The following RASGRF2 variants were observed in gnomAD, a reference collection of about 807,000 sequenced individuals.
The protein encoded by RASGRF2 is Ras protein specific guanine nucleotide releasing factor 2.
RASGRF2 carries 76 observed loss-of-function variants against 151.0 expected under a neutral mutation model. The observed-to-expected ratio is 0.50, with a 90% CI of 0.42 to 0.61. The LOEUF (loss-of-function observed/expected upper bound fraction) is 0.61. Ranked by LOEUF, RASGRF2 falls within the 20% of genes least tolerant of loss-of-function variation. The pLI is 0.00. For missense variants in RASGRF2, 1,148 were observed against 1,564.6 expected (o/e 0.73, Z 4.49); for synonymous variants, 504 against 566.5 (o/e 0.89, Z 1.57).
At chr5:80,988,778 C>A (rs746285313) in intron 1 of RASGRF2, among the ~76,000 whole-genome samples, 6 of 152,158 alleles carry the variant, frequency 3.9e-5, no homozygotes, top group African/African-American at 1.2e-4. Context: ...TGCTTAATAA[C>A]GTCTGGCACA....
intron 2 of RASGRF2, among the ~76,000 whole-genome samples, chr5:81,057,945 G>C (rs1751280971): frequency 6.6e-6 from 1 of 151,938 alleles, no homozygotes; most frequent in Non-Finnish European, 1.5e-5. Context: ...GCAGTGATCT[G>C]TGATTGTACC....
At position 81,080,156 on chromosome 5, in the gene RASGRF2, A is replaced by G; in HGVS notation, c.923A>G (p.Gln308Arg). 1 of 1,599,046 alleles carries G rather than the reference A, an allele frequency of 6.3e-7. No homozygotes were observed. The highest frequency in any genetic ancestry group is 8.5e-7 in the Non-Finnish European group (1 of 1,176,868). ...ATGTTTCTTCATGAAATATTTCATC[A>G]AGGACTAAAGGCAAGGATAGCAAAC... ...TIMFLHEIFH[Q>R]GLKARIANWP... The change falls in exon 6 of 27, where the codon CAA (glutamine) becomes CGA (arginine). Residue 308 changes from glutamine (Q) to arginine (R), a missense_variant. Gln to Arg is a conservative substitution (Grantham distance 43). Around this residue, in one of 5 missense-constraint regions of RASGRF2, gnomAD observed 176 missense variants for 309.6 expected, o/e 0.57. Coordinates refer to ENST00000265080, the MANE Select transcript of RASGRF2 (RefSeq NM_006909.3).
At chr5:81,201,270 T>C (rs1026000837) in intron 18 of RASGRF2, 60 bp from the exon 19 acceptor site, 9 of 1,544,776 alleles carry the variant, frequency 5.8e-6, no homozygotes, top group Non-Finnish European at 7.8e-6. Flanking sequence ...AATGGTGTCA[T>C]GTGTCATAGA....
intron 1 of RASGRF2, among the ~76,000 whole-genome samples, chr5:81,022,166 T>G (rs1006585715): frequency 1.3e-5 from 2 of 151,184 alleles, no homozygotes; most frequent in African/African-American, 4.9e-5. Flanking sequence ...TGCAGGAGAG[T>G]GGGTTGAAGT....
rs772813367 is a variant in RASGRF2, at chr5:81,226,560, G to C, written c.*790G>C. 2.1e-4 allele frequency: 32 copies of C among 152,096 alleles called. No homozygotes were observed. The highest frequency in any genetic ancestry group is 3.8e-4 in the Non-Finnish European group (26 of 68,014). 9.4% of individuals were successfully genotyped at this position (152,096 alleles called of 1,614,324 possible). A position where few individuals can be genotyped will look rare whatever the true frequency, so the allele number is the denominator to read the frequency against. On this transcript the variant is annotated 3_prime_UTR_variant, in exon 27 of 27. Transcript: ENST00000265080. Reference sequence around the variant, plus strand: ...GAGAGGCAGCTGCAAAAAGGTGCACGCCCATCTCACCGACAAAACTGTGGA... The same window carrying C: ...GAGAGGCAGCTGCAAAAAGGTGCACCCCCATCTCACCGACAAAACTGTGGA...
At chr5:81,097,208 G>T (rs186372853) in intron 12 of RASGRF2, among the ~76,000 whole-genome samples, 2 of 152,102 alleles carry the variant, frequency 1.3e-5, no homozygotes, top group Admixed American at 6.5e-5. Flanking sequence ...TGATCCTCCC[G>T]CCTCGGCCTC....
chr5:81,165,915 A>C (rs1160747679), intron 17 of RASGRF2, among the ~76,000 whole-genome samples: 1 of 148,702 alleles, frequency 6.7e-6, no homozygotes, highest in African/African-American at 2.5e-5. Flanking sequence ...CTGGTGCTTG[A>C]CTCTCTGGAG....
chr5:81,083,207 T>C (rs1752134103), intron 7 of RASGRF2, among the ~76,000 whole-genome samples: 1 of 152,144 alleles, frequency 6.6e-6, no homozygotes, highest in South Asian at 2.1e-4. Context: ...CAGTGGTACT[T>C]CTGCATGTTT....
At chr5:80,961,946 ACCT>A (rs1747573682) in intron 1 of RASGRF2, among the ~76,000 whole-genome samples, 1 of 152,094 alleles carries the variant, frequency 6.6e-6, no homozygotes, top group Non-Finnish European at 1.5e-5. Context: ...CTCAATCCCC[ACCT>A]TGATATGAAA....
At chr5:81,042,108 T>G (rs534851547) in intron 1 of RASGRF2, among the ~76,000 whole-genome samples, 15 of 152,306 alleles carry the variant, frequency 9.8e-5, no homozygotes, top group South Asian at 4.1e-4. Context: ...TTAGGTTGTT[T>G]CCAGTTTTTG....
intron 1 of RASGRF2, among the ~76,000 whole-genome samples, chr5:80,980,322 G>A (rs1036968936): frequency 1.3e-5 from 2 of 152,240 alleles, no homozygotes; most frequent in South Asian, 4.2e-4. Flanking sequence ...AAATGAGGGT[G>A]ATTTTGGCCC....
intron 9 of RASGRF2, 121 bp from the exon 10 acceptor site, chr5:81,092,680 G>A: frequency 1.2e-6 from 1 of 865,214 alleles, no homozygotes; most frequent in Non-Finnish European, 1.8e-6. Context: ...TTCTGATGAT[G>A]TGTCACATAA....
At chr5:81,131,930 A>G (rs1475233864) in intron 17 of RASGRF2, among the ~76,000 whole-genome samples, 1 of 152,126 alleles carries the variant, frequency 6.6e-6, no homozygotes, top group Non-Finnish European at 1.5e-5. Flanking sequence ...TTTCACTATT[A>G]CTTCTCTGTC....
In RASGRF2 at chr5:81,212,356, A is replaced by C; in HGVS notation, c.3157-10A>C. On this transcript the variant is annotated splice_polypyrimidine_tract_variant and intron_variant, in intron 22 of 26. Transcript: ENST00000265080. ...TTAGACTGCCTTTCGGGGCTTTTTGATTGTCTCAGATGAGTAACCTGGTGG... is the reference window on the plus strand; with the variant it reads ...TTAGACTGCCTTTCGGGGCTTTTTGCTTGTCTCAGATGAGTAACCTGGTGG... The C allele has an allele frequency of 6.3e-7, 1 of 1,575,774 alleles. No homozygotes were observed. The highest frequency in any genetic ancestry group is 8.6e-7 in the Non-Finnish European group (1 of 1,156,552).
rs559040931 is a variant in RASGRF2 at position 81,167,417 on chromosome 5, C to T, written c.2687-12758C>T. Among the ~76,000 whole-genome samples, 5 of 152,246 alleles carry T rather than the reference C, an allele frequency of 3.3e-5. No individual in the cohort carries two copies. In the South Asian group the frequency reaches 1.0e-3, roughly 32 times the overall value. ...ACACAAACAAGAGAAACTGCAAAAC[C>T]GAGAGATTGTTAAAATTTGCAATCA... On this transcript the variant is annotated intron_variant, in intron 17 of 26. Transcript: ENST00000265080.
intron 18 of RASGRF2, among the ~76,000 whole-genome samples, chr5:81,196,262 A>G (rs1755262981): frequency 6.6e-6 from 1 of 152,220 alleles, no homozygotes; most frequent in Non-Finnish European, 1.5e-5. Flanking sequence ...TCTCAAAAAC[A>G]AACAAATAAC....
intron 17 of RASGRF2, among the ~76,000 whole-genome samples, chr5:81,138,772 T>C (rs1753815693): frequency 6.6e-6 from 1 of 152,008 alleles, no homozygotes; most frequent in African/African-American, 2.4e-5. Flanking sequence ...GCTTGTTTTT[T>C]TTTTTTCCAG....
At chr5:80,986,703 T>C (rs1748482204) in intron 1 of RASGRF2, among the ~76,000 whole-genome samples, 1 of 152,206 alleles carries the variant, frequency 6.6e-6, no homozygotes, top group Non-Finnish European at 1.5e-5. Context: ...TCTGTTAAGG[T>C]TCATCTTTTC....
At chr5:81,074,165 A>G (rs1751868272) in intron 5 of RASGRF2, among the ~76,000 whole-genome samples, 2 of 152,218 alleles carry the variant, frequency 1.3e-5, no homozygotes, top group Admixed American at 1.3e-4. Context: ...ATAAATCATT[A>G]GTTTCCTTAC....
Sources: gnomAD v4.1 joint callset for allele counts (sites outside exome capture counted in the v4.1 genomes callset) on GRCh38, gnomAD v4.1.1 for gene constraint, gnomAD v4.1.1 regional missense constraint, MANE v1.5 for transcripts, NCBI Gene and HGNC (gene_info 2026-07-23, HGNC 2026-07-21) for gene names.